CACNA2D1: variants seen among roughly 807,000 people sequenced by gnomAD.
CACNA2D1 encodes the protein calcium voltage-gated channel auxiliary subunit alpha2delta 1, also known as voltage-dependent calcium channel subunit alpha-2/delta-1.
Under a neutral mutation model 171.5 loss-of-function variants are expected in CACNA2D1, and 53 were observed. The ratio of observed to expected loss-of-function variants is 0.31; its 90% CI spans 0.25 to 0.39. The LOEUF (loss-of-function observed/expected upper bound fraction) is 0.39. CACNA2D1 is among the 10% of genes least tolerant of loss of function. The pLI, the probability that CACNA2D1 is intolerant of heterozygous loss-of-function variation, is 1.00. For synonymous variants in CACNA2D1, 442 were observed against 443.1 expected, an observed-to-expected ratio of 1.00 and a Z score of 0.03; for missense variants, 903 against 1,299.8, an observed-to-expected ratio of 0.69 and a Z score of 4.69.
chr7:82,032,808 T>A lies in CACNA2D1; in HGVS notation c.1132A>T (p.Lys378Ter), dbSNP rs1554363584. Residue 378 changes from lysine (K) to a stop codon, truncating the protein, a stop_gained, in exon 12 of 39, where the codon AAA (lysine) becomes TAA (stop). Transcript: ENST00000356860. LOFTEE classifies it high-confidence loss of function. ...AAAATTACACTCACTTTTTTATCTTTATTGTATTTGTTAAATATCTCCTGG... is the reference window on the plus strand; with the variant it reads ...AAAATTACACTCACTTTTTTATCTTAATTGTATTTGTTAAATATCTCCTGG... ...RAQEIFNKYN[K>*]DKKVRVFTFS... The A allele has an allele frequency of 6.6e-7, 1 of 1,518,088 alleles. No individual in the cohort carries two copies. The highest frequency in any genetic ancestry group is 9.1e-7 in the Non-Finnish European group (1 of 1,096,644). 94.0% of individuals were successfully genotyped at this position (1,518,088 alleles called of 1,614,324 possible).
In CACNA2D1 at chr7:82,064,297, A is replaced by C. The variant is rs1335398842; in HGVS notation, c.779+7T>G. 1 of 1,577,288 alleles carries C rather than the reference A, an allele frequency of 6.3e-7. No individual in the cohort carries two copies. Among genetic ancestry groups the C allele is most frequent in the Non-Finnish European group, 8.7e-7 (1 of 1,147,310 alleles). On this transcript the variant is annotated splice_region_variant and intron_variant, in intron 9 of 38. Coordinates refer to ENST00000356860, the MANE Select transcript of CACNA2D1 (RefSeq NM_000722.4). ...AATATATAAATAAGTAGTATTTAAC[A>C]ACTCACACATCCACCAGAATAAGCA...
chr7:82,395,856 T>C (rs1360859935), intron 1 of CACNA2D1, among the ~76,000 whole-genome samples: 1 of 152,124 alleles, frequency 6.6e-6, no homozygotes, highest in Admixed American at 6.5e-5. Context: ...TTTAACTACT[T>C]TGAGTCCCAA....
At chr7:81,978,993 G>T (rs1584268020) in intron 24 of CACNA2D1, among the ~76,000 whole-genome samples, 2 of 65,026 alleles carry the variant, frequency 3.1e-5, no homozygotes, top group South Asian at 4.1e-4. Flanking sequence ...ATATCATTCA[G>T]CTATAAAAAA....
chr7:82,328,894 C>T (rs1043424150), intron 3 of CACNA2D1, among the ~76,000 whole-genome samples: 21 of 152,016 alleles, frequency 1.4e-4, no homozygotes, highest in Admixed American at 1.3e-4. Flanking sequence ...AATCAATGAC[C>T]CCTAATAGCC....
chr7:82,258,771 G>T, intron 3 of CACNA2D1, among the ~76,000 whole-genome samples: 1 of 141,762 alleles, frequency 7.1e-6, no homozygotes, highest in Admixed American at 7.0e-5. Flanking sequence ...TGTGTTTTCT[G>T]CTTATTAGAA....
At chr7:82,274,477 T>C (rs1224317941) in intron 3 of CACNA2D1, among the ~76,000 whole-genome samples, 2 of 152,212 alleles carry the variant, frequency 1.3e-5, no homozygotes, top group African/African-American at 2.4e-5. Context: ...AAGTGAGTCC[T>C]AGAGTGAATG....
intron 1 of CACNA2D1, among the ~76,000 whole-genome samples, chr7:82,367,626 G>A (rs1245761020): frequency 6.6e-6 from 1 of 152,068 alleles, no homozygotes; most frequent in Non-Finnish European, 1.5e-5. Context: ...TTCACCAGAA[G>A]TCAAAAGCAC....
At chr7:82,294,484 A>G (rs1399490503) in intron 3 of CACNA2D1, among the ~76,000 whole-genome samples, 1 of 152,150 alleles carries the variant, frequency 6.6e-6, no homozygotes, top group Non-Finnish European at 1.5e-5. Flanking sequence ...CAACAGAAAT[A>G]TGACTTTTTG....
At chr7:82,033,838 G>C (rs1802999596) in intron 11 of CACNA2D1, among the ~76,000 whole-genome samples, 1 of 152,040 alleles carries the variant, frequency 6.6e-6, no homozygotes, top group African/African-American at 2.4e-5. Flanking sequence ...TTCTACTGTT[G>C]TGAAATGTGT....
intron 1 of CACNA2D1, among the ~76,000 whole-genome samples, chr7:82,365,776 A>T (rs909668096): frequency 2.6e-5 from 4 of 152,216 alleles, no homozygotes; most frequent in Non-Finnish European, 4.4e-5. Context: ...GTCATCTTTC[A>T]CATTGTCCTG....
intron 1 of CACNA2D1, among the ~76,000 whole-genome samples, chr7:82,350,570 C>G (rs182286485): frequency 1.3e-5 from 2 of 152,254 alleles, no homozygotes; most frequent in Admixed American, 6.5e-5. Context: ...GAGGCTGAGA[C>G]AGGAGAATGG....
At chr7:82,219,938 G>C (rs1432386886) in intron 3 of CACNA2D1, among the ~76,000 whole-genome samples, 1 of 152,084 alleles carries the variant, frequency 6.6e-6, no homozygotes, top group Non-Finnish European at 1.5e-5. Context: ...TTTATACTTA[G>C]AATCTTTATA....
At position 81,968,893 on chromosome 7, in the gene CACNA2D1, G is replaced by A. The variant is rs781524832; in HGVS notation, c.2389C>T (p.Pro797Ser). The change falls in exon 29 of 39, where the codon CCT becomes TCT. Residue 797 changes from proline to serine, a missense_variant. Physicochemically the swap from Pro to Ser is moderately conservative, Grantham distance 74. Around this residue, in one of 5 missense-constraint regions of CACNA2D1, gnomAD observed 623 missense variants for 925.5 expected, o/e 0.67. Coordinates refer to ENST00000356860, the MANE Select transcript of CACNA2D1 (RefSeq NM_000722.4). ...EIYIQGKLLKPAVVGIKIDVN... is the reference protein window; with the variant it reads ...EIYIQGKLLKSAVVGIKIDVN... ...ATTTAATATTTATCCTTACCTGCAG[G>A]TTTAAGAAGTTTCCCTTGAATATAT... The A allele has an allele frequency of 6.6e-7, 1 of 1,509,568 alleles. No individual in the cohort carries two copies. 93.5% of individuals were successfully genotyped at this position (1,509,568 alleles called of 1,614,324 possible). A position where few individuals can be genotyped will look rare whatever the true frequency, so the allele number is the denominator to read the frequency against.
chr7:82,131,145 G>A (rs938651401), intron 5 of CACNA2D1, among the ~76,000 whole-genome samples: 6 of 152,044 alleles, frequency 3.9e-5, no homozygotes, highest in African/African-American at 1.2e-4. Context: ...TTTGTATTTT[G>A]AATTTCTTTA....
At chr7:82,352,482 A>ATC (rs1357160019) in intron 1 of CACNA2D1, among the ~76,000 whole-genome samples, 1 of 152,196 alleles carries the variant, frequency 6.6e-6, no homozygotes, top group Non-Finnish European at 1.5e-5. Context: ...GCTTTTTCAC[A>ATC]TAATAAGAAA....
At chr7:81,951,969 G>GTTTTTTTTTTTTTTGTTTGT (rs1792584715) in intron 38 of CACNA2D1, among the ~76,000 whole-genome samples, 2 of 71,916 alleles carry the variant, frequency 2.8e-5, no homozygotes, top group Non-Finnish European at 4.9e-5. Flanking sequence ...TGTACAAAGT[G>GTTTTTTTTTTTTTTGTTTGT]TTTTTTTTTT....
At chr7:82,050,368 C>T (rs1805052104) in intron 10 of CACNA2D1, 1 of 529,872 alleles carries the variant, frequency 1.9e-6, no homozygotes, top group African/African-American at 1.9e-5. Context: ...TTACTCATAG[C>T]AACAGAGGAG....
intron 9 of CACNA2D1, among the ~76,000 whole-genome samples, chr7:82,063,402 T>C (rs1219499745): frequency 6.6e-6 from 1 of 152,162 alleles, no homozygotes; most frequent in Non-Finnish European, 1.5e-5. Context: ...AATTCATTTA[T>C]CTTCTCTTTC....
intron 3 of CACNA2D1, among the ~76,000 whole-genome samples, chr7:82,280,473 C>T (rs989725975): frequency 7.9e-5 from 12 of 152,074 alleles, no homozygotes; most frequent in South Asian, 2.1e-4. Flanking sequence ...CTTAATATAT[C>T]CTGAAGAGCA....
Sources: allele counts gnomAD v4.1 joint callset (sites outside exome capture counted in the v4.1 genomes callset), GRCh38; gene constraint gnomAD v4.1.1; regional missense constraint gnomAD v4.1.1; transcripts MANE v1.5; gene names NCBI Gene and HGNC (gene_info 2026-07-23, HGNC 2026-07-21).